CFAP54: variants seen among roughly 807,000 people sequenced by gnomAD.
CFAP54 encodes the protein cilia- and flagella-associated protein 54.
In CFAP54, 290 loss-of-function variants were observed where a neutral mutation model predicts 370.4. The observed-to-expected ratio is 0.78, with a 90% CI of 0.71 to 0.86. CFAP54 has a LOEUF of 0.86. Among genes scored for constraint, CFAP54 ranks in the 40% least tolerant of loss-of-function variants. The probability of loss-of-function intolerance (pLI) is 0.00; values close to 1 mark genes in which losing one functional copy is unlikely to be tolerated. For synonymous variants in CFAP54, 1,206 were observed against 1,236.5 expected, an observed-to-expected ratio of 0.98 and a Z score of 0.52; for missense variants, 3,399 against 3,528.7, an observed-to-expected ratio of 0.96 and a Z score of 0.93.
Position 96,581,029 on chromosome 12 carries a change from C to T in CFAP54, c.2999C>T (p.Ala1000Val). The change falls in exon 22 of 68, where the codon GCT becomes GTT. Residue 1000 changes from alanine to valine, a missense_variant. Ala to Val is a moderately conservative substitution (Grantham distance 64). Coordinates refer to ENST00000524981, the MANE Select transcript of CFAP54 (RefSeq NM_001306084.2). ...AACAACGGAAAGCTTGTCGGTGGTG[C>T]TATTGGGGAGACAACTAAACCAATT... ...YSNNGKLVGGAIGETTKPILV... is the reference protein window; with the variant it reads ...YSNNGKLVGGVIGETTKPILV... The T allele has an allele frequency of 6.5e-7, 1 of 1,533,524 alleles. No individual in the cohort carries two copies. Among genetic ancestry groups the T allele is most frequent in the East Asian group, 2.5e-5 (1 of 40,792 alleles). 95.0% of individuals were successfully genotyped at this position (1,533,524 alleles called of 1,614,324 possible). A position where few individuals can be genotyped will look rare whatever the true frequency, so the allele number is the denominator to read the frequency against.
chr12:96,647,934 C>G lies in CFAP54; in HGVS notation c.4607C>G (p.Thr1536Arg), dbSNP rs895665232. ...SLYNSGTVLP[T>R]RKLTVENYKA... is the part of the protein sequence containing the mutation. ...TATAATTCAGGAACAGTATTACCAACAAGAAAATTGACTGTAGAAAATTAT... is the reference window on the plus strand; with the variant it reads ...TATAATTCAGGAACAGTATTACCAAGAAGAAAATTGACTGTAGAAAATTAT... The change falls in exon 34 of 68, where the codon ACA becomes AGA. Residue 1536 changes from threonine (T) to arginine (R), a missense_variant. Physicochemically the swap from Thr to Arg is moderately conservative, Grantham distance 71. Around this residue, in one of 3 missense-constraint regions of CFAP54, gnomAD observed 2,796 missense variants for 2,869.7 expected, o/e 0.97. Transcript: ENST00000524981. 13 of 1,515,232 alleles carry G rather than the reference C, an allele frequency of 8.6e-6. No individual in the cohort carries two copies. In the Admixed American group the frequency reaches 8.6e-5, roughly 10 times the overall value. 93.9% of individuals were successfully genotyped at this position (1,515,232 alleles called of 1,614,324 possible).
chr12:96,538,783 C>G (rs1481435861), intron 13 of CFAP54: 2 of 374,594 alleles, frequency 5.3e-6, no homozygotes, highest in Non-Finnish European at 9.8e-6. Context: ...GAGTCTTGCT[C>G]TGTCCTGGAG....
chr12:96,495,238 C>CTCCTTCCTTCCTTCCT (rs58756915), intron 1 of CFAP54, among the ~76,000 whole-genome samples: 16 of 133,196 alleles, frequency 1.2e-4, no homozygotes, highest in African/African-American at 3.8e-4. Flanking sequence ...CTTTTCTTTT[C>CTCCTTCCTTCCTTCCT]TCCTTCCTTC....
intron 23 of CFAP54, among the ~76,000 whole-genome samples, chr12:96,590,304 A>G (rs1005909043): frequency 2.0e-5 from 3 of 152,208 alleles, no homozygotes; most frequent in Non-Finnish European, 4.4e-5. Context: ...CAAATAGGCC[A>G]GTAGAAGCCA....
intron 26 of CFAP54, among the ~76,000 whole-genome samples, chr12:96,607,629 G>A (rs1956314795): frequency 6.6e-6 from 1 of 152,104 alleles, no homozygotes; most frequent in African/African-American, 2.4e-5. Flanking sequence ...AAAAGCAAAT[G>A]CAGAAGGAAT....
intron 36 of CFAP54, among the ~76,000 whole-genome samples, chr12:96,657,224 T>C (rs1047275797): frequency 2.6e-5 from 4 of 152,228 alleles, no homozygotes; most frequent in African/African-American, 9.7e-5. Context: ...TCCAGAGGTA[T>C]ACACAAATGT....
chr12:96,582,030 G>C lies in CFAP54; in HGVS notation c.3075+925G>C, dbSNP rs888594658. Among the ~76,000 whole-genome samples the C allele has an allele frequency of 9.2e-5, 14 of 152,086 alleles. No individual in the cohort carries two copies. In the South Asian group the frequency reaches 1.0e-3, roughly 11 times the overall value. On this transcript the variant is annotated intron_variant, in intron 22 of 67. Transcript: ENST00000524981. ...TTATAAAAGTAAAACTTCTGGATCA[G>C]TAGAGGCAGAGAGACCTGAGTTCAA...
intron 32 of CFAP54, among the ~76,000 whole-genome samples, chr12:96,635,852 G>A (rs991284522): frequency 4.6e-5 from 7 of 152,118 alleles, no homozygotes; most frequent in East Asian, 3.8e-4. Context: ...AAGTCCAGAC[G>A]GCTTCTGAGC....
intron 61 of CFAP54, 143 bp from the exon 62 acceptor site, chr12:96,786,532 T>C (rs34462): frequency 0.54 from 343,141 of 635,796 alleles, 93,646 homozygotes; most frequent in South Asian, 0.64. Flanking sequence ...GTGTATAAGC[T>C]CTAAAAACAG....
chr12:96,658,222 C>T lies in CFAP54; in HGVS notation c.5336C>T (p.Thr1779Ile). The change falls in exon 38 of 68, where the codon ACA becomes ATA. Residue 1779 changes from threonine (T) to isoleucine (I), a missense_variant. Around this residue, in one of 3 missense-constraint regions of CFAP54, gnomAD observed 2,796 missense variants for 2,869.7 expected, o/e 0.97. Coordinates refer to ENST00000524981, the MANE Select transcript of CFAP54 (RefSeq NM_001306084.2). ...TTACCCCTGTCTAGTGAGAGGTATA[C>T]AGAACAAGTGACACCACTTCTGGTG... ...QFNTVSHERY[T>I]EQVTPLLVYA... 1 of 1,613,732 alleles carries T rather than the reference C, an allele frequency of 6.2e-7. No individual in the cohort carries two copies.
At chr12:96,758,936 T>C (rs1958300478) in intron 58 of CFAP54, among the ~76,000 whole-genome samples, 4 of 152,172 alleles carry the variant, frequency 2.6e-5, no homozygotes, top group Non-Finnish European at 5.9e-5. Context: ...AGATCCCAGA[T>C]GCAGGAATAA....
intron 45 of CFAP54, among the ~76,000 whole-genome samples, chr12:96,698,616 G>A (rs1341151247): frequency 6.6e-6 from 1 of 152,086 alleles, no homozygotes; most frequent in Admixed American, 6.5e-5. Flanking sequence ...TTATAAGCAG[G>A]AACTAAATAT....
intron 56 of CFAP54, among the ~76,000 whole-genome samples, chr12:96,754,897 C>T (rs1001181938): frequency 6.6e-6 from 1 of 152,080 alleles, no homozygotes; most frequent in African/African-American, 2.4e-5. Flanking sequence ...GCGTGCACCA[C>T]CACACTTGGC....
chr12:96,827,007 T>TTATATGCAATTATATGTGATTATA (rs1959123502), intron 65 of CFAP54, among the ~76,000 whole-genome samples: 1 of 122,246 alleles, frequency 8.2e-6, no homozygotes, highest in African/African-American at 4.1e-5. Flanking sequence ...ATATGATTAA[T>TTATATGCAATTATATGTGATTATA]TATAATATGC....
intron 47 of CFAP54, among the ~76,000 whole-genome samples, chr12:96,706,129 A>G (rs938202570): frequency 3.9e-5 from 6 of 152,156 alleles, no homozygotes; most frequent in Non-Finnish European, 8.8e-5. Flanking sequence ...AACAATACAG[A>G]AAAACTCCAA....
intron 39 of CFAP54, among the ~76,000 whole-genome samples, chr12:96,664,714 T>G (rs1254209204): frequency 1.8e-4 from 3 of 16,730 alleles, no homozygotes; most frequent in African/African-American, 6.5e-4. Context: ...TATATATATA[T>G]CTATATATAT....
At chr12:96,859,693 C>T (rs531969558) in intron 66 of CFAP54, among the ~76,000 whole-genome samples, 17 of 152,212 alleles carry the variant, frequency 1.1e-4, no homozygotes, top group Non-Finnish European at 2.2e-4. Flanking sequence ...GCGTGAGCCA[C>T]CACACCTGAC....
At chr12:96,516,008 C>T (rs533310165) in intron 5 of CFAP54, among the ~76,000 whole-genome samples, 16 of 151,242 alleles carry the variant, frequency 1.1e-4, no homozygotes, top group African/African-American at 2.9e-4. Flanking sequence ...CTCCACCTCC[C>T]GGGTTCACGC....
intron 50 of CFAP54, among the ~76,000 whole-genome samples, chr12:96,722,195 C>T (rs1187547079): frequency 1.3e-5 from 2 of 152,154 alleles, no homozygotes; most frequent in Admixed American, 1.3e-4. Flanking sequence ...TACATTTTCC[C>T]ACCTGTTTGG....
Sources: gnomAD v4.1 joint callset for allele counts (sites outside exome capture counted in the v4.1 genomes callset) on GRCh38, gnomAD v4.1.1 for gene constraint, gnomAD v4.1.1 regional missense constraint, MANE v1.5 for transcripts, NCBI Gene and HGNC (gene_info 2026-07-23, HGNC 2026-07-21) for gene names.